The following PCDH9 variants were observed in gnomAD, a reference collection of about 807,000 sequenced individuals.
PCDH9 encodes protocadherin 9.
In PCDH9, 24 loss-of-function variants were observed where a neutral mutation model predicts 70.6. The observed-to-expected ratio is 0.34, with a 90% CI of 0.25 to 0.48. The LOEUF is 0.48. Among genes scored for constraint, PCDH9 ranks in the 20% least tolerant of loss-of-function variants. The pLI, the probability that PCDH9 is intolerant of heterozygous loss-of-function variation, is 0.99. For synonymous variants in PCDH9, 562 were observed against 558.5 expected, an observed-to-expected ratio of 1.01 and a Z score of -0.09; for missense variants, 1,281 against 1,503.6, an observed-to-expected ratio of 0.85 and a Z score of 2.45.
chr13:66,476,973 C>T (rs1185112107), intron 4 of PCDH9, among the ~76,000 whole-genome samples: 1 of 152,032 alleles, frequency 6.6e-6, no homozygotes, highest in Non-Finnish European at 1.5e-5. Flanking sequence ...TTTTTGTTAA[C>T]TCTCCTAAGT....
intron 4 of PCDH9, among the ~76,000 whole-genome samples, chr13:66,469,975 T>C (rs1223398138): frequency 6.6e-6 from 1 of 152,194 alleles, no homozygotes. Flanking sequence ...TGTCTGCTTG[T>C]CTTTCTAGAC....
chr13:67,018,341 C>G (rs1469415658), intron 2 of PCDH9, among the ~76,000 whole-genome samples: 2 of 152,026 alleles, frequency 1.3e-5, no homozygotes, highest in Non-Finnish European at 2.9e-5. Context: ...TAAGATACAG[C>G]CAGGCATGGT....
chr13:66,588,133 G>A (rs1162774614), intron 4 of PCDH9, among the ~76,000 whole-genome samples: 1 of 151,810 alleles, frequency 6.6e-6, no homozygotes, highest in African/African-American at 2.4e-5. Flanking sequence ...TGTGGCATTG[G>A]GCCACCTTCA....
intron 3 of PCDH9, among the ~76,000 whole-genome samples, chr13:66,790,719 T>C (rs576642798): frequency 6.6e-6 from 1 of 152,182 alleles, no homozygotes; most frequent in Admixed American, 6.5e-5. Flanking sequence ...AGTATCCTTA[T>C]TTATTTTTCA....
intron 3 of PCDH9, among the ~76,000 whole-genome samples, chr13:66,732,437 T>G (rs1054027433): frequency 6.6e-6 from 1 of 152,038 alleles, no homozygotes; most frequent in East Asian, 1.9e-4. Flanking sequence ...AATATTTACA[T>G]GTGTCTACAA....
chr13:67,226,888 T>C lies in PCDH9; in HGVS notation c.1553A>G (p.Asp518Gly). The change falls in exon 2 of 5, where the codon GAC (aspartate) becomes GGC (glycine). Residue 518 changes from aspartate (D) to glycine (G), a missense_variant. Coordinates refer to ENST00000377865, the MANE Select transcript of PCDH9 (RefSeq NM_203487.3). This position sits in a 1 kb window ranked among gnomAD's most constrained non-coding sequence, Gnocchi z 5.0. ...GGCTGTCAAAACTCCTGTTTTTCGG[T>C]CCAGATCAAAGAAGGAGGCATTCGG... Reference protein sequence around the residue: ...LGPNASFFDLDRKTGVLTASR... With the variant: ...LGPNASFFDLGRKTGVLTASR... The C allele has an allele frequency of 1.2e-6, 2 of 1,614,180 alleles. No individual in the cohort carries two copies. The highest frequency in any genetic ancestry group is 1.7e-6 in the Non-Finnish European group (2 of 1,180,038).
intron 2 of PCDH9, among the ~76,000 whole-genome samples, chr13:66,916,201 C>T (rs572378382): frequency 7.9e-5 from 12 of 151,730 alleles, no homozygotes; most frequent in Non-Finnish European, 1.8e-4. Context: ...TTCTCAATCC[C>T]GTATTTTAAA....
chr13:66,839,962 T>G (rs2081087875), intron 3 of PCDH9, among the ~76,000 whole-genome samples: 1 of 152,204 alleles, frequency 6.6e-6, no homozygotes, highest in African/African-American at 2.4e-5. Context: ...GCCTTCTTGA[T>G]CTGACTTCAT....
chr13:66,999,292 A>G (rs1442943879), intron 2 of PCDH9, among the ~76,000 whole-genome samples: 1 of 152,214 alleles, frequency 6.6e-6, no homozygotes, highest in African/African-American at 2.4e-5. Flanking sequence ...CAAATAGTAG[A>G]AATATTGATA....
chr13:66,723,325 T>G (rs1263602244), intron 3 of PCDH9, among the ~76,000 whole-genome samples: 1 of 151,878 alleles, frequency 6.6e-6, no homozygotes, highest in East Asian at 1.9e-4. Context: ...ATATATAACA[T>G]CTTATGGAAA....
At chr13:66,881,506 C>A (rs1207177290) in intron 3 of PCDH9, among the ~76,000 whole-genome samples, 1 of 152,126 alleles carries the variant, frequency 6.6e-6, no homozygotes. Context: ...CCCACTGGGT[C>A]CCTCCCACAA....
At chr13:66,518,052 C>T (rs557148344) in intron 4 of PCDH9, among the ~76,000 whole-genome samples, 61 of 152,002 alleles carry the variant, frequency 4.0e-4, no homozygotes, top group Non-Finnish European at 6.9e-4. Context: ...AACTGGTTCA[C>T]GGTTCTGCAG....
chr13:66,715,300 C>G (rs7986330), intron 3 of PCDH9, among the ~76,000 whole-genome samples: 2,592 of 152,178 alleles, frequency 0.017, 85 homozygotes, highest in African/African-American at 0.059. Flanking sequence ...TCTTTCAATT[C>G]TAAATGTTAA....
chr13:66,510,494 A>G (rs1459205819), intron 4 of PCDH9, among the ~76,000 whole-genome samples: 2 of 152,076 alleles, frequency 1.3e-5, no homozygotes, highest in African/African-American at 4.8e-5. Flanking sequence ...ATATCTCCTA[A>G]TGCTATCTGT....
At chr13:66,713,519 A>C (rs1201063709) in intron 3 of PCDH9, among the ~76,000 whole-genome samples, 1 of 150,320 alleles carries the variant, frequency 6.7e-6, no homozygotes, top group Non-Finnish European at 1.5e-5. Context: ...GTAAATTTCA[A>C]TATTGCAACA....
intron 3 of PCDH9, among the ~76,000 whole-genome samples, chr13:66,674,307 C>T (rs188334535): frequency 1.6e-4 from 25 of 152,066 alleles, no homozygotes; most frequent in South Asian, 6.2e-4. Context: ...TGTTATTTTG[C>T]TTTAAGCTTA....
chr13:66,591,920 A>C (rs2077043913), intron 4 of PCDH9, among the ~76,000 whole-genome samples: 1 of 151,684 alleles, frequency 6.6e-6, no homozygotes, highest in Admixed American at 6.6e-5. Context: ...GTGTGTTCTC[A>C]TGATTAATCT....
At chr13:66,636,236 C>A (rs1175094753) in intron 3 of PCDH9, among the ~76,000 whole-genome samples, 1 of 151,982 alleles carries the variant, frequency 6.6e-6, no homozygotes, top group Non-Finnish European at 1.5e-5. Flanking sequence ...AAAACATATC[C>A]CAATTTTTAA....
chr13:66,892,640 T>TA (rs1033521636), intron 3 of PCDH9, among the ~76,000 whole-genome samples: 7 of 151,894 alleles, frequency 4.6e-5, no homozygotes, highest in South Asian at 2.1e-4. Context: ...GTAAGTCCCT[T>TA]AAAAAAAAGA....
Sources: allele counts gnomAD v4.1 joint callset (sites outside exome capture counted in the v4.1 genomes callset), GRCh38; gene constraint gnomAD v4.1.1; non-coding constraint Gnocchi (gnomAD v3.1); transcripts MANE v1.5; gene names NCBI Gene and HGNC (gene_info 2026-07-23, HGNC 2026-07-21).